CDK5RAP2: variants seen among roughly 807,000 people sequenced by gnomAD.
The protein encoded by CDK5RAP2 is CDK5 regulatory subunit-associated protein 2.
A neutral mutation model predicts 232.9 loss-of-function variants in CDK5RAP2; 147 were observed. The observed-to-expected ratio is 0.63, with a 90% CI of 0.55 to 0.72. The LOEUF is 0.72. CDK5RAP2 is among the 30% of genes least tolerant of loss of function. The probability of loss-of-function intolerance (pLI) is 0.00; values close to 1 mark genes in which losing one functional copy is unlikely to be tolerated. For missense variants in CDK5RAP2, 2,195 were observed against 2,231.5 expected, an observed-to-expected ratio of 0.98 and a Z score of 0.33; for synonymous variants, 833 against 833.7, an observed-to-expected ratio of 1.00 and a Z score of 0.01.
intron 3 of CDK5RAP2, among the ~76,000 whole-genome samples, chr9:120,555,993 G>A (rs1158184832): frequency 6.6e-6 from 1 of 152,148 alleles, no homozygotes; most frequent in East Asian, 1.9e-4. Context: ...AAAATTACAA[G>A]GACAGAGAAC....
At chr9:120,486,570 C>T (rs1247029298) in intron 14 of CDK5RAP2, among the ~76,000 whole-genome samples, 2 of 152,124 alleles carry the variant, frequency 1.3e-5, no homozygotes, top group African/African-American at 4.8e-5. Flanking sequence ...TTCCCTACCC[C>T]AGAAGTGCCT....
intron 7 of CDK5RAP2, among the ~76,000 whole-genome samples, chr9:120,535,079 T>C (rs148714629): frequency 1.3e-5 from 2 of 152,242 alleles, no homozygotes; most frequent in African/African-American, 2.4e-5. Flanking sequence ...TGAGATGATA[T>C]ATATTCATTC....
intron 27 of CDK5RAP2, 77 bp downstream of exon 27, chr9:120,419,711 C>CT: frequency 9.0e-7 from 1 of 1,109,962 alleles, no homozygotes. Context: ...TCACCACACT[C>CT]TGCTTACTAA....
At chr9:120,460,733 A>C (rs956978996) in intron 18 of CDK5RAP2, 66 bp from the exon 19 acceptor site, 1 of 1,608,168 alleles carries the variant, frequency 6.2e-7, no homozygotes, top group African/African-American at 1.3e-5. Context: ...ATATGTATGA[A>C]TAAGTCAGTG....
intron 15 of CDK5RAP2, among the ~76,000 whole-genome samples, chr9:120,476,828 A>G (rs1440519088): frequency 1.3e-5 from 2 of 152,168 alleles, no homozygotes; most frequent in African/African-American, 4.8e-5. Flanking sequence ...CAAGGCCTCT[A>G]TCCTAGAGTT....
At chr9:120,443,288 T>C (rs1226972143) in intron 23 of CDK5RAP2, among the ~76,000 whole-genome samples, 2 of 152,160 alleles carry the variant, frequency 1.3e-5, no homozygotes. Flanking sequence ...TTGGGATGAT[T>C]GTCTCCTCCG....
chr9:120,425,102 C>G (rs1340826983), intron 25 of CDK5RAP2, among the ~76,000 whole-genome samples: 1 of 152,136 alleles, frequency 6.6e-6, no homozygotes, highest in East Asian at 1.9e-4. Flanking sequence ...AGATCTTAGA[C>G]CCATCAAAAA....
intron 30 of CDK5RAP2, 77 bp downstream of exon 30, chr9:120,409,050 T>G (rs2033675649): frequency 6.4e-6 from 9 of 1,401,004 alleles, no homozygotes; most frequent in Non-Finnish European, 9.0e-6. Context: ...GAGGCCTGCG[T>G]GCTGATTCCA....
chr9:120,518,198 TGTGTGTGTGTGTGAGAGA>T (rs1458084003), intron 12 of CDK5RAP2, among the ~76,000 whole-genome samples: 2 of 107,234 alleles, frequency 1.9e-5, no homozygotes, highest in Non-Finnish European at 3.8e-5. Context: ...TGTGTGTGTG[TGTGTGTGTGTGTGAGAGA>T]GAGAGAGAGA....
intron 27 of CDK5RAP2, among the ~76,000 whole-genome samples, chr9:120,418,479 C>T (rs2034369850): frequency 6.6e-6 from 1 of 152,158 alleles, no homozygotes. Flanking sequence ...ATCAAGTCTG[C>T]ACAAAGTCCT....
chr9:120,560,576 C>T (rs2042425970), intron 3 of CDK5RAP2, among the ~76,000 whole-genome samples: 1 of 152,194 alleles, frequency 6.6e-6, no homozygotes, highest in Non-Finnish European at 1.5e-5. Context: ...TAAATTTTTA[C>T]ATCTAGGGAA....
chr9:120,499,324 T>C (rs1296456458), intron 12 of CDK5RAP2, among the ~76,000 whole-genome samples: 2 of 152,044 alleles, frequency 1.3e-5, no homozygotes, highest in East Asian at 1.9e-4. Context: ...GACAAACACA[T>C]AGGGGTTCAA....
chr9:120,429,154 A>G (rs1050180859), intron 25 of CDK5RAP2, among the ~76,000 whole-genome samples: 2 of 152,124 alleles, frequency 1.3e-5, no homozygotes, highest in African/African-American at 4.8e-5. Context: ...CCAATATCAT[A>G]CTGAATGGGC....
In CDK5RAP2 at chr9:120,403,216, G is replaced by T; in HGVS notation, c.5042-145C>A. Reference sequence around the variant, plus strand: ...AACACAAGCCCAGAGGGGAAAAGAGGCACGCTCCTGGACCTCTGTATATTA... The same window carrying T: ...AACACAAGCCCAGAGGGGAAAAGAGTCACGCTCCTGGACCTCTGTATATTA... On this transcript the variant is annotated intron_variant, in intron 33 of 37. Transcript: ENST00000349780. This position sits in a 1 kb window ranked among gnomAD's most constrained non-coding sequence, Gnocchi z 4.2. 4 of 745,502 alleles carry T rather than the reference G, an allele frequency of 5.4e-6. No homozygotes were observed. Among genetic ancestry groups the T allele is most frequent in the Non-Finnish European group, 6.8e-6 (3 of 442,548 alleles). 46.2% of individuals were successfully genotyped at this position (745,502 alleles called of 1,614,324 possible).
In CDK5RAP2 at chr9:120,518,624, C is replaced by T. The variant is rs1390638456; in HGVS notation, c.1114G>A (p.Ala372Thr). 1.2e-6 allele frequency: 2 copies of T among 1,613,590 alleles called. No homozygotes were observed. The highest frequency in any genetic ancestry group is 2.7e-5 in the African/African-American group (2 of 74,816). Reference protein sequence around the residue: ...EFQGSEDYETALSGKEALSAA... With the variant: ...EFQGSEDYETTLSGKEALSAA... ...GAAAGGGCTTCCTTTCCTGATAGAG[C>T]AGTCTCATAGTCTTCAGACCCCTAG... Residue 372 changes from alanine (A) to threonine (T), a missense_variant, in exon 12 of 38, where the codon GCT becomes ACT. Transcript: ENST00000349780.
chr9:120,413,337 G>C (rs2033966478), intron 28 of CDK5RAP2, among the ~76,000 whole-genome samples: 1 of 152,232 alleles, frequency 6.6e-6, no homozygotes, highest in African/African-American at 2.4e-5. Flanking sequence ...TAACACATGA[G>C]AGGCCGGTTT....
At position 120,516,798 on chromosome 9, in the gene CDK5RAP2, C is replaced by T. The variant is rs146370077; in HGVS notation, c.1311+1629G>A. The stretch of plus-strand genomic sequence containing the variant: ...GAGTTATGAGCATGCCACCGCACTC[C>T]AGTCTAGGCAACACTGTGAAACTCT... On this transcript the variant is annotated intron_variant, in intron 12 of 37. Coordinates refer to ENST00000349780, the MANE Select transcript of CDK5RAP2 (RefSeq NM_018249.6). 3.5e-3 allele frequency among the ~76,000 whole-genome samples: 534 copies of T among 152,280 alleles called. 3 individuals carry two copies. The highest frequency in any genetic ancestry group is 0.012 in the African/African-American group (493 of 41,552).
chr9:120,538,769 T>A (rs1051401694), intron 6 of CDK5RAP2, among the ~76,000 whole-genome samples: 2 of 152,232 alleles, frequency 1.3e-5, no homozygotes, highest in Non-Finnish European at 2.9e-5. Context: ...CTACTAGTAT[T>A]AGGTTAAGCC....
chr9:120,565,356 T>A (rs1011677489), intron 3 of CDK5RAP2, among the ~76,000 whole-genome samples: 3 of 152,166 alleles, frequency 2.0e-5, no homozygotes, highest in African/African-American at 7.2e-5. Flanking sequence ...TTTTAACTCA[T>A]CACCTTACCA....
Sources: allele counts gnomAD v4.1 joint callset (sites outside exome capture counted in the v4.1 genomes callset), GRCh38; gene constraint gnomAD v4.1.1; non-coding constraint Gnocchi (gnomAD v3.1); transcripts MANE v1.5; gene names NCBI Gene and HGNC (gene_info 2026-07-23, HGNC 2026-07-21).